The following GSE1 variants were observed in gnomAD, a reference collection of about 807,000 sequenced individuals.
The protein encoded by GSE1 is genetic suppressor element 1.
Under a neutral mutation model 112.6 loss-of-function variants are expected in GSE1, and 32 were observed. The observed-to-expected ratio is 0.28, with a 90% CI of 0.21 to 0.38. The LOEUF (loss-of-function observed/expected upper bound fraction) is 0.38, where lower values mean the gene tolerates loss of function less well. GSE1 is among the 10% of genes least tolerant of loss of function. The pLI, the probability that GSE1 is intolerant of heterozygous loss-of-function variation, is 1.00. For synonymous variants in GSE1, 1,115 were observed against 735.6 expected (o/e 1.52, Z -8.35); for missense variants, 2,348 against 1,699.2 (o/e 1.38, Z -6.71).
At position 85,661,275 on chromosome 16, in the gene GSE1, G is replaced by C. The variant is rs756012496; in HGVS notation, c.1770G>C (p.Leu590=). 22 of 1,612,842 alleles carry C rather than the reference G, an allele frequency of 1.4e-5. No homozygotes were observed. The highest frequency in any genetic ancestry group is 1.5e-5 in the Non-Finnish European group (18 of 1,180,008). Residue 590 remains leucine, a synonymous_variant, in exon 9 of 16, where the codon CTG becomes CTC. Coordinates refer to ENST00000253458, the MANE Select transcript of GSE1 (RefSeq NM_014615.5). ...APTALWNPVS[L]MDNTLETRRA... The stretch of plus-strand genomic sequence containing the variant: ...CGGCCCTCTGGAACCCCGTGTCCCT[G>C]ATGGACAACACCTTGGAGACGCGGC...
intron 2 of GSE1, among the ~76,000 whole-genome samples, chr16:85,436,078 A>AC (rs1597747880): frequency 6.6e-6 from 1 of 151,670 alleles, no homozygotes; most frequent in South Asian, 2.1e-4. Flanking sequence ...GCATCATCGT[A>AC]CCCCCCAACC....
chr16:85,647,671 C>T (rs1290113114), intron 2 of GSE1, among the ~76,000 whole-genome samples: 8 of 152,180 alleles, frequency 5.3e-5, no homozygotes, highest in African/African-American at 1.9e-4. Context: ...ACCAGAACCT[C>T]CGCCTCCCGG....
At chr16:85,333,963 C>CCATT (rs1420464401) in intron 1 of GSE1, among the ~76,000 whole-genome samples, 2 of 152,212 alleles carry the variant, frequency 1.3e-5, no homozygotes, top group Non-Finnish European at 2.9e-5. Context: ...GCCTTTCCTG[C>CCATT]TAGATACTAC....
chr16:85,613,058 A>T, upstream of GSE1: 1 of 404,666 alleles, frequency 2.5e-6, no homozygotes, highest in Admixed American at 5.2e-5. Flanking sequence ...CGGGCCGGGG[A>T]GGGGCGTGTG....
Position 85,657,554 on chromosome 16 carries a change from C to T in GSE1, c.1590C>T (p.Gly530=), listed in dbSNP as rs781242726. The change falls in exon 8 of 16, where the codon GGC becomes GGT. Residue 530 remains glycine, a synonymous_variant. Transcript: ENST00000253458. ...QQVLEQHLDM[G]RPPVPAEAEH... ...TGCTGGAGCAGCACCTGGATATGGG[C>T]CGGCCCCCGGTGCCGGCGGAGGCAG... The T allele has an allele frequency of 1.0e-5, 16 of 1,582,592 alleles. No homozygotes were observed. The highest frequency in any genetic ancestry group is 1.8e-5 in the Admixed American group (1 of 56,448).
chr16:85,327,266 G>A (rs557224750), intron 1 of GSE1, among the ~76,000 whole-genome samples: 1 of 152,334 alleles, frequency 6.6e-6, no homozygotes, highest in African/African-American at 2.4e-5. Context: ...TGCAGACACA[G>A]AGCCCTCCTC....
chr16:85,409,337 A>G (rs2048422794), intron 2 of GSE1, among the ~76,000 whole-genome samples: 1 of 35,710 alleles, frequency 2.8e-5, no homozygotes, highest in Non-Finnish European at 5.3e-5. Flanking sequence ...TGTTACACTC[A>G]GGGCCCCCCT....
rs1356230377 is a variant in GSE1 at position 85,410,343 on chromosome 16, C to A, written c.2464+52700C>A. Among the ~76,000 whole-genome samples, 48 of 58,108 alleles carry A rather than the reference C, an allele frequency of 8.3e-4. 2 individuals carry two copies. The highest frequency in any genetic ancestry group is 3.0e-3 in the South Asian group (4 of 1,348). The allele number at this position is 58,108 out of a possible 152,430, so 38.1% of individuals were successfully genotyped here. On this transcript the variant is annotated intron_variant, in intron 2 of 2. Transcript: ENST00000637419. Reference sequence around the variant, plus strand: ...TTACACTCAGGCCCCCCTGGATAATCCTCACTGTTACACTCAGGGCCCCCC... The same window carrying A: ...TTACACTCAGGCCCCCCTGGATAATACTCACTGTTACACTCAGGGCCCCCC...
chr16:85,439,525 C>T (rs1354816145), intron 2 of GSE1, among the ~76,000 whole-genome samples: 2 of 141,372 alleles, frequency 1.4e-5, no homozygotes, highest in Non-Finnish European at 3.2e-5. Flanking sequence ...CGGGGAAACA[C>T]ACGGTCTGTC....
At chr16:85,254,918 C>T (rs1001325597) in intron 1 of GSE1, among the ~76,000 whole-genome samples, 15 of 152,214 alleles carry the variant, frequency 9.9e-5, no homozygotes, top group African/African-American at 3.6e-4. Flanking sequence ...ATCCGGCCTG[C>T]TCTGCCCACC....
At chr16:85,555,869 C>T, upstream of GSE1, 4 of 825,742 alleles carry the variant, frequency 4.8e-6, no homozygotes, top group Non-Finnish European at 5.8e-6. Flanking sequence ...GATCTTAACC[C>T]CCCAATTTCA....
intron 1 of GSE1, among the ~76,000 whole-genome samples, chr16:85,178,713 C>G (rs918607954): frequency 6.6e-6 from 1 of 151,936 alleles, no homozygotes; most frequent in Admixed American, 6.6e-5. Context: ...TTCTAGACAC[C>G]AGGACCCAGC....
At chr16:85,504,039 G>A (rs925938074) in intron 2 of GSE1, among the ~76,000 whole-genome samples, 5 of 152,198 alleles carry the variant, frequency 3.3e-5, no homozygotes, top group African/African-American at 7.2e-5. Flanking sequence ...GCCATCCTCC[G>A]CCCGCCCTCT....
chr16:85,657,631 G>C, intron 8 of GSE1, 27 bp downstream of exon 8: 4 of 1,448,236 alleles, frequency 2.8e-6, no homozygotes, highest in Non-Finnish European at 3.7e-6. Context: ...AAGGAAGGAG[G>C]GATGAGCCTT....
intron 1 of GSE1, among the ~76,000 whole-genome samples, chr16:85,581,288 C>G (rs2151384438): frequency 1.3e-5 from 2 of 152,308 alleles, no homozygotes; most frequent in African/African-American, 4.8e-5. Context: ...CCTTACCCAC[C>G]ACCCAGGAAA....
At chr16:85,616,836 A>G (rs1220640058) in intron 1 of GSE1, among the ~76,000 whole-genome samples, 1 of 151,898 alleles carries the variant, frequency 6.6e-6, no homozygotes, top group Non-Finnish European at 1.5e-5. Context: ...TGTCGCTGTC[A>G]ATGAGAATTT....
At chr16:85,614,375 C>T (rs1301859175) in intron 1 of GSE1, among the ~76,000 whole-genome samples, 2 of 152,076 alleles carry the variant, frequency 1.3e-5, no homozygotes, top group Non-Finnish European at 2.9e-5. Flanking sequence ...GGAGGCGGAG[C>T]GGGAGTGGAG....
At chr16:85,360,427 T>G (rs980937769) in intron 2 of GSE1, among the ~76,000 whole-genome samples, 1 of 152,144 alleles carries the variant, frequency 6.6e-6, no homozygotes, top group African/African-American at 2.4e-5. Context: ...CTGCTCCCTG[T>G]CAGGCTGCAG....
chr16:85,359,983 G>A (rs765075587), intron 2 of GSE1, among the ~76,000 whole-genome samples: 10 of 152,198 alleles, frequency 6.6e-5, no homozygotes, highest in African/African-American at 2.4e-4. Context: ...GCAGTGAGCC[G>A]TGATTGTACC....
Sources: gnomAD v4.1 joint callset for allele counts (sites outside exome capture counted in the v4.1 genomes callset) on GRCh38, gnomAD v4.1.1 for gene constraint, MANE v1.5 for transcripts, NCBI Gene and HGNC (gene_info 2026-07-23, HGNC 2026-07-21) for gene names.